Variants in VIRMA observed in about 807,000 individuals in gnomAD.
VIRMA encodes vir like m6A methyltransferase associated, also known as protein virilizer homolog.
Under a neutral mutation model 182.4 loss-of-function variants are expected in VIRMA, and 65 were observed. The ratio of observed to expected loss-of-function variants is 0.36; its 90% CI spans 0.29 to 0.44. The LOEUF (loss-of-function observed/expected upper bound fraction) is 0.44, where lower values mean the gene tolerates loss of function less well. Ranked by LOEUF, VIRMA falls within the 20% of genes least tolerant of loss-of-function variation. The probability of loss-of-function intolerance (pLI) is 1.00; values close to 1 mark genes in which losing one functional copy is unlikely to be tolerated. For missense variants in VIRMA, 1,752 were observed against 2,158.1 expected (o/e 0.81, Z 3.73); for synonymous variants, 709 against 743.1 (o/e 0.95, Z 0.75).
intron 1 of VIRMA, among the ~76,000 whole-genome samples, chr8:94,546,207 T>C (rs1044047106): frequency 2.0e-5 from 3 of 150,938 alleles, no homozygotes; most frequent in African/African-American, 5.0e-5. Flanking sequence ...CAGAGGACAA[T>C]TCCCAATCTG....
Position 94,553,458 on chromosome 8 carries a change from G to GCGCT in VIRMA, c.-12_-11insAGCG. 6.2e-7 allele frequency: 1 copy of GCGCT among 1,613,972 alleles called. No homozygotes were observed. The highest frequency in any genetic ancestry group is 8.5e-7 in the Non-Finnish European group (1 of 1,179,862). ...CGAGTCCACCGCCATGTTTGCCGCG[G>GCGCT]GCGGGGAACAGGGGGGAGGACTTCC... On this transcript the variant is annotated 5_prime_UTR_variant, in exon 1 of 24. Transcript: ENST00000297591.
Position 94,509,738 on chromosome 8 carries a change from G to T in VIRMA, c.3829C>A (p.Gln1277Lys). 6.2e-7 allele frequency: 1 copy of T among 1,613,788 alleles called. No individual in the cohort carries two copies. The highest frequency in any genetic ancestry group is 8.5e-7 in the Non-Finnish European group (1 of 1,179,830). The change falls in exon 15 of 24, where the codon CAA (glutamine) becomes AAA (lysine). Residue 1277 changes from glutamine (Q) to lysine (K), a missense_variant. Around this residue, in one of 11 missense-constraint regions of VIRMA, gnomAD observed 777 missense variants for 920.6 expected, o/e 0.84. Coordinates refer to ENST00000297591, the MANE Select transcript of VIRMA (RefSeq NM_015496.5). ...VRSPGDSVIRQQCVEYVTSIL... is the reference protein window; with the variant it reads ...VRSPGDSVIRKQCVEYVTSIL... ...GATGTGACATATTCAACACACTGTT[G>T]GCGAATAACACTGTCTCCAGGAGAC...
At chr8:94,547,869 C>CAAA (rs1267941832) in intron 1 of VIRMA, among the ~76,000 whole-genome samples, 1 of 113,034 alleles carries the variant, frequency 8.8e-6, no homozygotes, top group Non-Finnish European at 1.9e-5. Context: ...CCATCTCTAC[C>CAAA]AAAAAAAAAA....
Position 94,514,856 on chromosome 8 carries a change from G to T in VIRMA, c.2751+13C>A. ...TTTCAAAAAGTCAAAGCACTTTTAA[G>T]TTTTACACTTACCTGCTTAACATAC... On this transcript the variant is annotated intron_variant, in intron 11 of 23. Transcript: ENST00000297591. 1 of 1,474,576 alleles carries T rather than the reference G, an allele frequency of 6.8e-7. No homozygotes were observed. Among genetic ancestry groups the T allele is most frequent in the Non-Finnish European group, 9.4e-7 (1 of 1,067,538 alleles). 91.3% of individuals were successfully genotyped at this position (1,474,576 alleles called of 1,614,324 possible).
rs754520961 is a variant in VIRMA, at chr8:94,526,739, TTTAAC to T, written c.1500_1504del (p.Leu501CysfsTer3). 6.2e-7 allele frequency: 1 copy of T among 1,613,972 alleles called. No individual in the cohort carries two copies. The highest frequency in any genetic ancestry group is 8.5e-7 in the Non-Finnish European group (1 of 1,180,028). ...GACACTGTCCAAAGCTTTAAAAGCA[TTTAAC>T]TTAAGAGAAGATGATACGTGATCAG... On this transcript the variant is annotated frameshift_variant, in exon 8 of 24. Transcript: ENST00000297591. LOFTEE classifies it high-confidence loss of function.
chr8:94,514,971 T>C lies in VIRMA; in HGVS notation c.2669-20A>G, dbSNP rs758589678. On this transcript the variant is annotated intron_variant, in intron 10 of 23. Transcript: ENST00000297591. ...CAAGTTCTTAAAAAGAAAAATAATT[T>C]ATAATATTTAAAAATAGAAGGCTTT... is the stretch of plus-strand genomic sequence containing the variant. 2 of 1,259,726 alleles carry C rather than the reference T, an allele frequency of 1.6e-6. No homozygotes were observed. The highest frequency in any genetic ancestry group is 2.6e-5 in the East Asian group (1 of 39,044). The allele number at this position is 1,259,726 out of a possible 1,614,324, so 78.0% of individuals were successfully genotyped here. A position where few individuals can be genotyped will look rare whatever the true frequency, so the allele number is the denominator to read the frequency against.
rs1172350857 is a variant in VIRMA, at chr8:94,494,064, T to C, written c.4641+796A>G. ...ACCCAAATGCAAGAATAAACTGTTG[T>C]TTTATGGGATACTTTTCCCTGTTCT... On this transcript the variant is annotated intron_variant, in intron 20 of 23. Coordinates refer to ENST00000297591, the MANE Select transcript of VIRMA (RefSeq NM_015496.5). Among the ~76,000 whole-genome samples, 7 of 151,524 alleles carry C rather than the reference T, an allele frequency of 4.6e-5. 1 individual carries two copies. In the East Asian group the frequency reaches 7.7e-4, roughly 17 times the overall value.
At position 94,513,719 on chromosome 8, in the gene VIRMA, A is replaced by G. The variant is rs888172967; in HGVS notation, c.2751+1150T>C. On this transcript the variant is annotated intron_variant, in intron 11 of 23. Transcript: ENST00000297591. ...TACTCAAACCATCGCCATTTATTGA[A>G]CATCTTGTTAATACTCACTCAACCA... Among the ~76,000 whole-genome samples the G allele has an allele frequency of 5.3e-5, 8 of 152,200 alleles. No individual in the cohort carries two copies. The East Asian group carries it at 5.8e-4, about 11-fold the overall frequency.
At chr8:94,511,064 T>C in intron 13 of VIRMA, 121 bp downstream of exon 13, 1 of 1,447,892 alleles carries the variant, frequency 6.9e-7, no homozygotes, top group Non-Finnish European at 9.1e-7. Context: ...CCTCATCCGG[T>C]TATTTTATGT....
Position 94,514,856 on chromosome 8 carries a change from G to A in VIRMA, c.2751+13C>T, listed in dbSNP as rs1390390050. The A allele has an allele frequency of 2.0e-6, 3 of 1,474,456 alleles. No homozygotes were observed. The South Asian group carries it at 3.7e-5, about 18-fold the overall frequency. 91.3% of individuals were successfully genotyped at this position (1,474,456 alleles called of 1,614,324 possible). ...TTTCAAAAAGTCAAAGCACTTTTAA[G>A]TTTTACACTTACCTGCTTAACATAC... On this transcript the variant is annotated intron_variant, in intron 11 of 23. Coordinates refer to ENST00000297591, the MANE Select transcript of VIRMA (RefSeq NM_015496.5).
intron 21 of VIRMA, among the ~76,000 whole-genome samples, 154 bp from the exon 22 acceptor site, chr8:94,492,063 C>T (rs964638296): frequency 6.6e-6 from 1 of 152,030 alleles, no homozygotes; most frequent in African/African-American, 2.4e-5. Flanking sequence ...ATATAACAAA[C>T]TAGCTAAGAA....
rs563639897 is a variant in VIRMA at position 94,511,904 on chromosome 8, A to C, written c.2845+92T>G. ...AAAATGATATTTTTCATTATTAAAT[A>C]AATGATGTTTAATAATTAACTAAAT... On this transcript the variant is annotated intron_variant, in intron 12 of 23. Transcript: ENST00000297591. 6 of 720,982 alleles carry C rather than the reference A, an allele frequency of 8.3e-6. No individual in the cohort carries two copies. The East Asian group carries it at 2.1e-4, about 26-fold the overall frequency. 44.7% of individuals were successfully genotyped at this position (720,982 alleles called of 1,614,324 possible).
intron 2 of VIRMA, among the ~76,000 whole-genome samples, chr8:94,539,612 G>C (rs1372880411): frequency 2.0e-5 from 3 of 152,102 alleles, no homozygotes; most frequent in Non-Finnish European, 4.4e-5. Flanking sequence ...ATGCACTTCT[G>C]GTAGAAGCAC....
chr8:94,538,369 ACAT>A, intron 2 of VIRMA, 23 bp from the exon 3 acceptor site: 1 of 1,430,748 alleles, frequency 7.0e-7, no homozygotes, highest in Non-Finnish European at 9.9e-7. Context: ...CAAAGTTGAA[ACAT>A]CAGCCTTTGT....
At chr8:94,546,731 G>T in intron 1 of VIRMA, 3 of 304,908 alleles carry the variant, frequency 9.8e-6, no homozygotes, top group Non-Finnish European at 2.0e-5. Flanking sequence ...TTCCCCCTCC[G>T]AGTCCCTAAA....
chr8:94,516,640 T>C (rs903698595), intron 10 of VIRMA, among the ~76,000 whole-genome samples: 11 of 152,132 alleles, frequency 7.2e-5, no homozygotes, highest in African/African-American at 2.7e-4. Flanking sequence ...ATAGAATATA[T>C]AGCTCAAAGA....
chr8:94,491,129 C>A (rs76578290), intron 22 of VIRMA, among the ~76,000 whole-genome samples: 7,096 of 135,012 alleles, frequency 0.053, 353 homozygotes, highest in East Asian at 0.13. Context: ...GCCTGGCAAA[C>A]ACGGCGAAAA....
chr8:94,543,866 A>G lies in VIRMA; in HGVS notation c.140T>C (p.Val47Ala). The G allele has an allele frequency of 6.2e-7, 1 of 1,612,222 alleles. No individual in the cohort carries two copies. Among genetic ancestry groups the G allele is most frequent in the Non-Finnish European group, 8.5e-7 (1 of 1,178,658 alleles). Residue 47 changes from valine (V) to alanine (A), a missense_variant, in exon 2 of 24, where the codon GTA (valine) becomes GCA (alanine). By Grantham distance (64) the Val-to-Ala change is moderately conservative. Transcript: ENST00000297591. Reference sequence around the variant, plus strand: ...GTCTGGCAGACTGCTATGGGCTCTTACTCCTGGGGGTATGACTCGGACTTC... The same window carrying G: ...GTCTGGCAGACTGCTATGGGCTCTTGCTCCTGGGGGTATGACTCGGACTTC... ...INEVRVIPPG[V>A]RAHSSLPDNR... is the part of the protein sequence containing the mutation.
At position 94,527,032 on chromosome 8, in the gene VIRMA, T is replaced by C; in HGVS notation, c.1212A>G (p.Leu404=). The C allele has an allele frequency of 6.2e-7, 1 of 1,614,172 alleles. No homozygotes were observed. Among genetic ancestry groups the C allele is most frequent in the South Asian group, 1.1e-5 (1 of 91,078 alleles). ...TTATTATTAAACTTGGAATTTCTTC[T>C]AAAGCTGTTACCCATTTTGCACCTC... The part of the protein sequence containing the change: ...EDRGAKWVTA[L]EEIPSLIIKG... The change falls in exon 8 of 24, where the codon TTA becomes TTG. Residue 404 remains leucine (L), a synonymous_variant. Coordinates refer to ENST00000297591, the MANE Select transcript of VIRMA (RefSeq NM_015496.5).
Sources: allele counts gnomAD v4.1 joint callset (sites outside exome capture counted in the v4.1 genomes callset), GRCh38; gene constraint gnomAD v4.1.1; regional missense constraint gnomAD v4.1.1; transcripts MANE v1.5; gene names NCBI Gene and HGNC (gene_info 2026-07-23, HGNC 2026-07-21).